The following TTLL11 variants were observed in gnomAD, a reference collection of about 807,000 sequenced individuals.
TTLL11 encodes tubulin polyglutamylase TTLL11.
A neutral mutation model predicts 51.7 loss-of-function variants in TTLL11; 42 were observed. That is an observed-to-expected ratio of 0.81 (90% CI 0.64 to 1.05). TTLL11 has a LOEUF of 1.05. Ranked by LOEUF, TTLL11 falls within the 50% of genes least tolerant of loss-of-function variation. The probability of loss-of-function intolerance (pLI) is 0.00; values close to 1 mark genes in which losing one functional copy is unlikely to be tolerated. For missense variants in TTLL11, 799 were observed against 940.4 expected (o/e 0.85, Z 1.97); for synonymous variants, 381 against 383.5 (o/e 0.99, Z 0.08).
At chr9:122,008,207 T>C (rs1040558796) in intron 3 of TTLL11, among the ~76,000 whole-genome samples, 7 of 152,210 alleles carry the variant, frequency 4.6e-5, no homozygotes, top group African/African-American at 1.7e-4. Context: ...CCAAATGTGA[T>C]GCACAATCCA....
At chr9:122,030,331 T>C (rs1844500645) in intron 3 of TTLL11, among the ~76,000 whole-genome samples, 1 of 152,126 alleles carries the variant, frequency 6.6e-6, no homozygotes, top group Non-Finnish European at 1.5e-5. Context: ...TTAAGCAATG[T>C]ATATAAACCC....
chr9:122,069,989 TCACACACACACACA>T (rs144009501), intron 1 of TTLL11, among the ~76,000 whole-genome samples: 10 of 148,728 alleles, frequency 6.7e-5, no homozygotes, highest in African/African-American at 2.5e-4. Flanking sequence ...GCATAGAGAA[TCACACACACACACA>T]CACACACACG....
chr9:122,072,553 C>G (rs10116706), intron 1 of TTLL11, among the ~76,000 whole-genome samples: 1 of 151,962 alleles, frequency 6.6e-6, no homozygotes, highest in Non-Finnish European at 1.5e-5. Context: ...CTGAGGCAGG[C>G]GAATTGCTTG....
intron 3 of TTLL11, among the ~76,000 whole-genome samples, chr9:122,010,290 A>G (rs1261811879): frequency 3.3e-5 from 5 of 152,224 alleles, no homozygotes; most frequent in Non-Finnish European, 1.5e-5. Flanking sequence ...AATGAGATTC[A>G]GGTATTGCTT....
intron 6 of TTLL11, among the ~76,000 whole-genome samples, chr9:121,950,147 A>T (rs35325731): frequency 6.6e-6 from 1 of 151,982 alleles, no homozygotes; most frequent in Non-Finnish European, 1.5e-5. Context: ...GCATTGGAAG[A>T]GTATTCCAAT....
At chr9:122,002,878 G>A (rs1427475736) in intron 3 of TTLL11, among the ~76,000 whole-genome samples, 13 of 148,942 alleles carry the variant, frequency 8.7e-5, no homozygotes, top group African/African-American at 3.3e-4. Flanking sequence ...CCTGGGAGGT[G>A]GAGGTTGCAG....
chr9:121,990,551 C>G (rs1195386985), intron 3 of TTLL11, among the ~76,000 whole-genome samples: 1 of 152,178 alleles, frequency 6.6e-6, no homozygotes, highest in Non-Finnish European at 1.5e-5. Flanking sequence ...TTCCTCTATC[C>G]TACCATGTCT....
chr9:121,932,742 G>A (rs1305542845), intron 6 of TTLL11, among the ~76,000 whole-genome samples: 1 of 152,082 alleles, frequency 6.6e-6, no homozygotes, highest in African/African-American at 2.4e-5. Flanking sequence ...CAGTGATCCT[G>A]AGGATCAGTA....
In TTLL11 at chr9:121,967,210, ATTTTTTTTTTTTTT is replaced by A. The variant is rs150372226; in HGVS notation, c.1481+6785_1481+6798del. Among the ~76,000 whole-genome samples, 111 of 63,020 alleles carry A rather than the reference ATTTTTTTTTTTTTT, an allele frequency of 1.8e-3. 1 individual carries two copies. Among genetic ancestry groups the A allele is most frequent in the African/African-American group, 4.3e-3 (81 of 18,850 alleles). 41.3% of individuals were successfully genotyped at this position (63,020 alleles called of 152,430 possible). A position where few individuals can be genotyped will look rare whatever the true frequency, so the allele number is the denominator to read the frequency against. On this transcript the variant is annotated intron_variant, in intron 6 of 8. Transcript: ENST00000321582. ...TCTGTCAGTGATGCTTCAGCGGGAG[ATTTTTTTTTTTTTT>A]TTTTTTTTTTTTTTTTTTTGAGAGG...
At chr9:121,976,797 G>A (rs1459791177) in intron 4 of TTLL11, among the ~76,000 whole-genome samples, 1 of 152,028 alleles carries the variant, frequency 6.6e-6, no homozygotes, top group African/African-American at 2.4e-5. Flanking sequence ...TTCTTTCCTT[G>A]GTCATGAAAA....
At chr9:121,960,542 A>G (rs971175739) in intron 6 of TTLL11, among the ~76,000 whole-genome samples, 1 of 151,908 alleles carries the variant, frequency 6.6e-6, no homozygotes, top group Non-Finnish European at 1.5e-5. Context: ...GGCCTGGCTC[A>G]CCTGGCTGTT....
chr9:122,000,139 G>A (rs1843414800), intron 3 of TTLL11, among the ~76,000 whole-genome samples: 1 of 152,156 alleles, frequency 6.6e-6, no homozygotes, highest in Non-Finnish European at 1.5e-5. Context: ...CTAAGTCACA[G>A]GATGAGACAG....
At chr9:121,972,134 G>GAAA (rs71371905) in intron 6 of TTLL11, among the ~76,000 whole-genome samples, 1 of 115,752 alleles carries the variant, frequency 8.6e-6, no homozygotes, top group Non-Finnish European at 1.9e-5. Flanking sequence ...GTATGAAAAA[G>GAAA]AAAAAAAAAA....
chr9:121,893,104 C>T (rs1006098913), intron 6 of TTLL11, among the ~76,000 whole-genome samples: 2 of 152,100 alleles, frequency 1.3e-5, no homozygotes, highest in Admixed American at 1.3e-4. Context: ...CAACTTATGC[C>T]TGATACTTAA....
At chr9:121,917,261 A>G (rs2416836) in intron 6 of TTLL11, among the ~76,000 whole-genome samples, 73,530 of 151,678 alleles carry the variant, frequency 0.48, 18,643 homozygotes, top group East Asian at 0.68. Flanking sequence ...TTGAGGCCAG[A>G]AGTTCGAGAC....
chr9:121,940,318 C>A (rs965476456), intron 6 of TTLL11, among the ~76,000 whole-genome samples: 6 of 151,862 alleles, frequency 4.0e-5, no homozygotes, highest in African/African-American at 1.5e-4. Flanking sequence ...GGATTTCTAA[C>A]CATCTGTGAT....
intron 1 of TTLL11, among the ~76,000 whole-genome samples, chr9:122,056,711 C>T (rs1164496378): frequency 6.6e-6 from 1 of 152,230 alleles, no homozygotes; most frequent in African/African-American, 2.4e-5. Context: ...GAGTGCTGAA[C>T]AGACTGCCAC....
chr9:121,980,080 T>A (rs147251317), intron 4 of TTLL11, among the ~76,000 whole-genome samples: 1 of 151,914 alleles, frequency 6.6e-6, no homozygotes, highest in Non-Finnish European at 1.5e-5. Context: ...ATGGGAGAGA[T>A]ACCACAAGCA....
intron 8 of TTLL11, among the ~76,000 whole-genome samples, chr9:121,857,705 G>A (rs1408478724): frequency 2.0e-5 from 3 of 152,148 alleles, no homozygotes; most frequent in African/African-American, 7.2e-5. Context: ...CCATAGCTTG[G>A]TCAGCAGAAT....
Sources: allele counts gnomAD v4.1 joint callset (sites outside exome capture counted in the v4.1 genomes callset), GRCh38; gene constraint gnomAD v4.1.1; transcripts MANE v1.5; gene names NCBI Gene and HGNC (gene_info 2026-07-23, HGNC 2026-07-21).